HSF5: variants seen among roughly 807,000 people sequenced by gnomAD.
The protein encoded by HSF5 is heat shock transcription factor 5, also known as heat shock factor protein 5.
HSF5 carries 5 observed loss-of-function variants against 50.8 expected under a neutral mutation model. The observed-to-expected ratio is 0.10, with a 90% CI of 0.05 to 0.21. The LOEUF is 0.21. Ranked by LOEUF, HSF5 falls within the 10% of genes least tolerant of loss-of-function variation. HSF5 has a pLI of 1.00. For missense variants in HSF5, 564 were observed against 762.6 expected (o/e 0.74, Z 3.07); for synonymous variants, 307 against 307.4 (o/e 1.00, Z 0.02).
chr17:58,462,947 C>T lies in HSF5; in HGVS notation c.1377G>A (p.Glu459=), dbSNP rs1488016799. The change falls in exon 4 of 6, where the codon GAG becomes GAA. Residue 459 remains glutamate (E), a synonymous_variant. Coordinates refer to ENST00000323777, the MANE Select transcript of HSF5 (RefSeq NM_001080439.3). Reference sequence around the variant, plus strand: ...GAGCTGTGTGGATGGTATAGATGTACTCAGGTGACTGTGGTAGAGAGCAGG... The same window carrying T: ...GAGCTGTGTGGATGGTATAGATGTATTCAGGTGACTGTGGTAGAGAGCAGG... ...AVACSLPQSP[E]YIYTIHTAQP... 1.9e-6 allele frequency: 3 copies of T among 1,614,144 alleles called. No homozygotes were observed. The South Asian group carries it at 3.3e-5, about 18-fold the overall frequency.
chr17:58,440,102 C>T (rs1188045790), intron 5 of HSF5, among the ~76,000 whole-genome samples: 1 of 151,788 alleles, frequency 6.6e-6, no homozygotes, highest in African/African-American at 2.4e-5. Flanking sequence ...CTTTAAAAGT[C>T]TCAAAAGGTA....
At chr17:58,425,712 C>T (rs1439038803) in intron 5 of HSF5, among the ~76,000 whole-genome samples, 1 of 150,660 alleles carries the variant, frequency 6.6e-6, no homozygotes, top group Non-Finnish European at 1.5e-5. Context: ...TACATAACAT[C>T]TCTTTTTCAA....
chr17:58,444,345 A>G (rs1457405052), intron 5 of HSF5, among the ~76,000 whole-genome samples: 1 of 152,242 alleles, frequency 6.6e-6, no homozygotes, highest in Non-Finnish European at 1.5e-5. Flanking sequence ...TACAGTAATC[A>G]AAACAGTGTG....
In HSF5 at chr17:58,460,810, A is replaced by G. The variant is rs1297935272; in HGVS notation, c.1543-1865T>C. Among the ~76,000 whole-genome samples, 4 of 151,434 alleles carry G rather than the reference A, an allele frequency of 2.6e-5. 1 individual carries two copies. Among genetic ancestry groups the G allele is most frequent in the Admixed American group, 1.3e-4 (2 of 15,180 alleles). ...AGACGTGAGCCACTGCGCCTGGCCA[A>G]GATATATTTGTTAATGAAAAAGTTA... On this transcript the variant is annotated intron_variant, in intron 4 of 5. Coordinates refer to ENST00000323777, the MANE Select transcript of HSF5 (RefSeq NM_001080439.3).
chr17:58,484,563 C>T (rs1240457246), intron 1 of HSF5, among the ~76,000 whole-genome samples: 2 of 151,424 alleles, frequency 1.3e-5, no homozygotes, highest in African/African-American at 4.9e-5. Flanking sequence ...CTAGTCTTTT[C>T]TCCTTATACC....
chr17:58,471,280 G>C (rs1290040748), intron 2 of HSF5, among the ~76,000 whole-genome samples: 1 of 152,132 alleles, frequency 6.6e-6, no homozygotes, highest in Non-Finnish European at 1.5e-5. Flanking sequence ...AGTTTCTCCT[G>C]GCAGAGGAGA....
intron 5 of HSF5, among the ~76,000 whole-genome samples, chr17:58,451,789 C>T (rs1375828389): frequency 1.3e-5 from 2 of 151,472 alleles, no homozygotes; most frequent in African/African-American, 4.9e-5. Context: ...ACTAGAAAGA[C>T]AAAAACAATC....
intron 2 of HSF5, among the ~76,000 whole-genome samples, chr17:58,468,701 T>C (rs1226649555): frequency 6.6e-6 from 1 of 152,222 alleles, no homozygotes; most frequent in African/African-American, 2.4e-5. Context: ...GAAGATATAC[T>C]AGAAATAAAT....
chr17:58,433,616 C>A (rs1003802345), intron 5 of HSF5, among the ~76,000 whole-genome samples: 13 of 152,108 alleles, frequency 8.5e-5, no homozygotes, highest in African/African-American at 2.9e-4. Flanking sequence ...CCAGTGAAAA[C>A]TAGGAAAGGG....
chr17:58,472,962 T>G (rs1168964773), intron 2 of HSF5, among the ~76,000 whole-genome samples: 4 of 151,982 alleles, frequency 2.6e-5, no homozygotes, highest in Non-Finnish European at 5.9e-5. Flanking sequence ...GAACTAACTC[T>G]GAGGAAGAGA....
Position 58,488,287 on chromosome 17 carries a change from C to G in HSF5, c.-13G>C, listed in dbSNP as rs768097212. The G allele has an allele frequency of 6.8e-7, 1 of 1,460,912 alleles. No homozygotes were observed. Among genetic ancestry groups the G allele is most frequent in the Non-Finnish European group, 8.9e-7 (1 of 1,119,662 alleles). The allele number at this position is 1,460,912 out of a possible 1,614,324, so 90.5% of individuals were successfully genotyped here. A position where few individuals can be genotyped will look rare whatever the true frequency, so the allele number is the denominator to read the frequency against. On this transcript the variant is annotated 5_prime_UTR_variant, in exon 1 of 6. Transcript: ENST00000323777. The surrounding 1 kb of genome is among the most constrained non-coding windows in gnomAD (Gnocchi z 4.1). ...GCAGCGCCTCCATCGCCCCGCCGGGCCGGGGCCTCGCCCCCCGAGCCTAGC... is the reference window on the plus strand; with the variant it reads ...GCAGCGCCTCCATCGCCCCGCCGGGGCGGGGCCTCGCCCCCCGAGCCTAGC...
intron 2 of HSF5, among the ~76,000 whole-genome samples, chr17:58,478,580 G>T (rs1975055029): frequency 6.6e-6 from 1 of 150,386 alleles, no homozygotes; most frequent in South Asian, 2.1e-4. Context: ...AAAAAAAAAT[G>T]GCCAGGCAGG....
chr17:58,463,141 G>A lies in HSF5; in HGVS notation c.1183C>T (p.Pro395Ser). ...SPKLEMVKVE[P>S]VENQCPTSPS... Reference sequence around the variant, plus strand: ...GATGTTGGGCACTGATTCTCAACAGGCTCCACCTTTACCATCTCCAATTTA... The same window carrying A: ...GATGTTGGGCACTGATTCTCAACAGACTCCACCTTTACCATCTCCAATTTA... The change falls in exon 4 of 6, where the codon CCT becomes TCT. Residue 395 changes from proline to serine, a missense_variant. By Grantham distance (74) the Pro-to-Ser change is moderately conservative. This residue lies in a region of HSF5 where 441 missense variants were observed against 533.6 expected (regional missense o/e 0.83). Transcript: ENST00000323777. The A allele has an allele frequency of 6.2e-7, 1 of 1,614,142 alleles. No individual in the cohort carries two copies. The highest frequency in any genetic ancestry group is 8.5e-7 in the Non-Finnish European group (1 of 1,180,000).
intron 2 of HSF5, among the ~76,000 whole-genome samples, chr17:58,471,030 AG>A (rs1974936592): frequency 6.6e-6 from 1 of 152,308 alleles, no homozygotes; most frequent in Admixed American, 6.5e-5. Context: ...GGTGGTTGCT[AG>A]GGACAACCTC....
chr17:58,424,029 AT>A (rs1287700663), intron 5 of HSF5, among the ~76,000 whole-genome samples: 7 of 152,174 alleles, frequency 4.6e-5, no homozygotes, highest in Non-Finnish European at 1.0e-4. Flanking sequence ...TTTTTGTCAT[AT>A]TTTGTAAAAG....
intron 5 of HSF5, among the ~76,000 whole-genome samples, chr17:58,440,552 A>G (rs1402884102): frequency 6.6e-6 from 1 of 152,198 alleles, no homozygotes; most frequent in Admixed American, 6.5e-5. Context: ...TTCAAATACT[A>G]TGTCCAGCAT....
intron 5 of HSF5, among the ~76,000 whole-genome samples, chr17:58,438,525 A>G (rs1974456823): frequency 6.6e-6 from 1 of 152,180 alleles, no homozygotes; most frequent in Non-Finnish European, 1.5e-5. Context: ...TTTGTTATCC[A>G]TGCCAACATA....
At chr17:58,482,158 C>T (rs1246457600) in intron 1 of HSF5, among the ~76,000 whole-genome samples, 5 of 151,850 alleles carry the variant, frequency 3.3e-5, no homozygotes, top group East Asian at 1.9e-4. Flanking sequence ...GAAACAAATA[C>T]GCACATATGA....
chr17:58,425,017 G>C (rs558271810), intron 5 of HSF5, among the ~76,000 whole-genome samples: 6 of 152,312 alleles, frequency 3.9e-5, no homozygotes, highest in South Asian at 4.1e-4. Flanking sequence ...GATGAAAGGA[G>C]TTTTGTAGAT....
Sources: allele counts gnomAD v4.1 joint callset (sites outside exome capture counted in the v4.1 genomes callset), GRCh38; gene constraint gnomAD v4.1.1; regional missense constraint gnomAD v4.1.1; non-coding constraint Gnocchi (gnomAD v3.1); transcripts MANE v1.5; gene names NCBI Gene and HGNC (gene_info 2026-07-23, HGNC 2026-07-21).